The following IRAK1 variants were observed in gnomAD, a reference collection of about 807,000 sequenced individuals.
IRAK1 encodes interleukin-1 receptor-associated kinase 1.
Under a neutral mutation model 49.8 loss-of-function variants are expected in IRAK1, and 9 were observed. That is an observed-to-expected ratio of 0.18 (90% CI 0.11 to 0.32). The LOEUF is 0.32. Ranked by LOEUF, IRAK1 falls within the 10% of genes least tolerant of loss-of-function variation. The pLI, the probability that IRAK1 is intolerant of heterozygous loss-of-function variation, is 1.00. For synonymous variants in IRAK1, 282 were observed against 270.8 expected (o/e 1.04, Z -0.41); for missense variants, 418 against 600.5 (o/e 0.70, Z 3.18).
At chrX:154,014,836 C>A (rs907558119) in intron 10 of IRAK1, among the ~76,000 whole-genome samples, 2 of 111,805 alleles carry the variant, frequency 1.8e-5, no homozygotes, top group Non-Finnish European at 3.8e-5. Flanking sequence ...ACCCTGGGAC[C>A]CGGTTTGACA....
chrX:154,019,065 G>T lies in IRAK1; in HGVS notation c.450C>A (p.Ser150=), dbSNP rs1340060640. The change falls in exon 4 of 14, where the codon TCC becomes TCA. Residue 150 remains serine, a synonymous_variant. Transcript: ENST00000369980. ...STFLSPAFPG[S]QTHSGPELGL... is the part of the protein sequence containing the mutation. ...CGAGCTCAGGCCCTGAATGGGTCTG[G>T]GAGCCTGGAAAAGCTTCATAAAGAC... The T allele has an allele frequency of 4.1e-6, 5 of 1,208,547 alleles. No homozygotes were observed. The highest frequency in any genetic ancestry group is 5.6e-6 in the Non-Finnish European group (5 of 893,652).
At chrX:154,016,299 G>C (rs2065738292) in intron 9 of IRAK1, 138 bp downstream of exon 9, 1 of 630,344 alleles carries the variant, frequency 1.6e-6, no homozygotes, top group Admixed American at 2.7e-5. Flanking sequence ...GAGGGCCTCG[G>C]AGGGAGGGGG....
chrX:154,013,217 C>T lies in IRAK1; in HGVS notation c.1756G>A (p.Val586Met), dbSNP rs200628697. 253 of 1,209,458 alleles carry T rather than the reference C, an allele frequency of 2.1e-4. 1 individual carries two copies. In the East Asian group the frequency reaches 6.9e-3, roughly 33 times the overall value. The change falls in exon 12 of 14, where the codon GTG becomes ATG. Residue 586 changes from valine (V) to methionine (M), a missense_variant. Around this residue, in one of 3 missense-constraint regions of IRAK1, gnomAD observed 377 missense variants for 499.5 expected, o/e 0.75. Transcript: ENST00000369980. ...EQLQRGPNQP[V>M]ESDESLGGLS... is the part of the protein sequence containing the mutation. The stretch of plus-strand genomic sequence containing the variant: ...CCGCCTAGGCTCTCGTCACTCTCCA[C>T]GGGCTGGTTGGGGCCTCTCTGCAGC...
At chrX:154,014,375 A>T (rs1212433326) in intron 10 of IRAK1, 97 bp from the exon 11 acceptor site, 9 of 100,720 alleles carry the variant, frequency 8.9e-5, no homozygotes, top group African/African-American at 5.1e-4. Flanking sequence ...TTTTGATAAA[A>T]AAAAAAAAAA....
chrX:154,013,742 G>T (rs2065718688), intron 11 of IRAK1, among the ~76,000 whole-genome samples: 1 of 112,966 alleles, frequency 8.9e-6, no homozygotes, highest in East Asian at 2.8e-4. Context: ...AAGAGGTGGG[G>T]TACTAGGGAG....
intron 8 of IRAK1, 109 bp from the exon 9 acceptor site, chrX:154,016,753 C>T (rs1050329105): frequency 1.5e-4 from 110 of 719,498 alleles, no homozygotes; most frequent in Non-Finnish European, 2.2e-4. Context: ...CCACAGAAAG[C>T]GCTGGCACTG....
intron 8 of IRAK1, 64 bp from the exon 9 acceptor site, chrX:154,016,708 A>G: frequency 1.0e-6 from 1 of 985,506 alleles, no homozygotes; most frequent in South Asian, 2.1e-5. Flanking sequence ...GGCTTAGATA[A>G]GGCTGGACTC....
At chrX:154,018,573 G>A in intron 5 of IRAK1, 26 bp downstream of exon 5, 2 of 1,156,011 alleles carry the variant, frequency 1.7e-6, no homozygotes, top group Non-Finnish European at 2.4e-6. Context: ...GGCCTTCCAG[G>A]GTCCCTGCCA....
rs201399068 is a variant in IRAK1, at chrX:154,018,644, C to T, written c.684G>A (p.Arg228=). Reference sequence around the variant, plus strand: ...CATACACCGTGTTCCTCATCACCGCCCGGTACACGCACCCAAAGCCACCCT... The same window carrying T: ...CATACACCGTGTTCCTCATCACCGCTCGGTACACGCACCCAAAGCCACCCT... ...IGEGGFGCVY[R]AVMRNTVYAV... The change falls in exon 5 of 14, where the codon CGG becomes CGA. Residue 228 remains arginine, a synonymous_variant. Coordinates refer to ENST00000369980, the MANE Select transcript of IRAK1 (RefSeq NM_001569.4). 259 of 1,208,311 alleles carry T rather than the reference C, an allele frequency of 2.1e-4. 2 individuals carry two copies. In the Admixed American group the frequency reaches 5.4e-3, roughly 25 times the overall value.
At chrX:154,017,689 G>A (rs1364523602) in intron 7 of IRAK1, among the ~76,000 whole-genome samples, 3 of 107,360 alleles carry the variant, frequency 2.8e-5, no homozygotes, top group Non-Finnish European at 3.9e-5. Context: ...CCAGCTACTC[G>A]GGAGGCTGCG....
rs1372755124 is a variant in IRAK1 at position 154,017,083 on chromosome X, G to T, written c.910-16C>A. 6.6e-6 allele frequency: 7 copies of T among 1,066,588 alleles called. No homozygotes were observed. The highest frequency in any genetic ancestry group is 7.9e-6 in the Non-Finnish European group (6 of 764,225). 87.9% of individuals were successfully genotyped at this position (1,066,588 alleles called of 1,213,427 possible). ...AGGCCTGGGTCTGGGGTGGCAAAGG[G>T]GGACAGGGGAGGTTGCTGGATGGCC... On this transcript the variant is annotated splice_polypyrimidine_tract_variant and intron_variant, in intron 7 of 13. Transcript: ENST00000369980.
rs1557130303 is a variant in IRAK1, at chrX:154,018,645, C to T, written c.683G>A (p.Arg228Gln). 8.3e-7 allele frequency: 1 copy of T among 1,210,288 alleles called. No homozygotes were observed. Among genetic ancestry groups the T allele is most frequent in the South Asian group, 1.8e-5 (1 of 56,909 alleles). Residue 228 changes from arginine (R) to glutamine (Q), a missense_variant, in exon 5 of 14, where the codon CGG becomes CAG. Arg to Gln is a conservative substitution (Grantham distance 43). Transcript: ENST00000369980. ...IGEGGFGCVY[R>Q]AVMRNTVYAV... ...ATACACCGTGTTCCTCATCACCGCC[C>T]GGTACACGCACCCAAAGCCACCCTC...
intron 10 of IRAK1, among the ~76,000 whole-genome samples, chrX:154,014,724 C>T (rs1335747797): frequency 1.8e-5 from 2 of 111,926 alleles, no homozygotes; most frequent in Non-Finnish European, 3.8e-5. Context: ...CAGGCTCAAG[C>T]GATCCTCCTG....
In IRAK1 at chrX:154,011,710, A is replaced by G. The variant is rs1557127484; in HGVS notation, c.*149T>C. The G allele has an allele frequency of 1.7e-6, 1 of 574,600 alleles. No individual in the cohort carries two copies. The highest frequency in any genetic ancestry group is 2.3e-5 in the South Asian group (1 of 42,742). 47.4% of individuals were successfully genotyped at this position (574,600 alleles called of 1,213,427 possible). On this transcript the variant is annotated 3_prime_UTR_variant, in exon 14 of 14. Transcript: ENST00000369980. ...CTGCCTGCCTATGCCCACAGAGCCT[A>G]GAACAGCAGGGCCACCTCCTTCTCT... is the stretch of plus-strand genomic sequence containing the variant.
intron 12 of IRAK1, 51 bp from the exon 13 acceptor site, chrX:154,012,729 G>A (rs371628527): frequency 1.6e-5 from 18 of 1,153,995 alleles, no homozygotes; most frequent in Non-Finnish European, 1.8e-5. Flanking sequence ...TCCCCAGCCC[G>A]CAGCCTAGCA....
At chrX:154,015,831 A>G (rs2065735166) in intron 10 of IRAK1, among the ~76,000 whole-genome samples, 1 of 112,631 alleles carries the variant, frequency 8.9e-6, no homozygotes, top group Non-Finnish European at 1.9e-5. Context: ...TACAAGGCCC[A>G]TAGTGTCTGC....
At chrX:154,017,794 T>A (rs782210788) in intron 7 of IRAK1, among the ~76,000 whole-genome samples, 47 of 24,676 alleles carry the variant, frequency 1.9e-3, no homozygotes, top group African/African-American at 7.7e-3. Flanking sequence ...AGACTCCACC[T>A]CAAAAAAAAA....
chrX:154,014,178 G>A lies in IRAK1; in HGVS notation c.1403C>T (p.Pro468Leu). The change falls in exon 11 of 14, where the codon CCC (proline) becomes CTC (leucine). Residue 468 changes from proline to leucine, a missense_variant. Physicochemically the swap from Pro to Leu is moderately conservative, Grantham distance 98 (BLOSUM62 -3). Transcript: ENST00000369980. ...CTTCTTGTAGATCTGCATGGCGATG[G>A]GAGCAGCCCAGGCATCTGCAGCCAG... ...AGLAADAWAA[P>L]IAMQIYKKHL... 8.3e-7 allele frequency: 1 copy of A among 1,210,217 alleles called. No individual in the cohort carries two copies. Among genetic ancestry groups the A allele is most frequent in the Non-Finnish European group, 1.1e-6 (1 of 894,867 alleles).
Position 154,016,079 on chromosome X carries a change from C to CACT in IRAK1, c.1254_1255insAGT (p.Leu418_Ala419insSer). 1 of 1,209,727 alleles carries CACT rather than the reference C, an allele frequency of 8.3e-7. No individual in the cohort carries two copies. Among genetic ancestry groups the CACT allele is most frequent in the Non-Finnish European group, 1.1e-6 (1 of 893,518 alleles). ...TGCGTCTTCACAGCCCTCTGACCAG[C>CACT]CAAGGTCTCTAGCACTACCTGGAGA... On this transcript the variant is annotated inframe_insertion, in exon 10 of 14. Coordinates refer to ENST00000369980, the MANE Select transcript of IRAK1 (RefSeq NM_001569.4).
Sources: gnomAD v4.1 joint callset for allele counts (sites outside exome capture counted in the v4.1 genomes callset) on GRCh38, gnomAD v4.1.1 for gene constraint, gnomAD v4.1.1 regional missense constraint, MANE v1.5 for transcripts, NCBI Gene and HGNC (gene_info 2026-07-23, HGNC 2026-07-21) for gene names.